The following TMEM33 variants were observed in gnomAD, a reference collection of about 807,000 sequenced individuals.
TMEM33 encodes the protein transmembrane protein 33.
In TMEM33, 16 loss-of-function variants were observed where a neutral mutation model predicts 29.7. The observed-to-expected ratio is 0.54, with a 90% CI of 0.36 to 0.82. The LOEUF is 0.82. TMEM33 is among the 40% of genes least tolerant of loss of function. TMEM33 has a pLI of 0.00. For synonymous variants in TMEM33, 112 were observed against 109.4 expected, an observed-to-expected ratio of 1.02 and a Z score of -0.15; for missense variants, 252 against 295.3, an observed-to-expected ratio of 0.85 and a Z score of 1.08.
rs1214915828 is a variant in TMEM33 at position 41,958,374 on chromosome 4, G to A, written c.*4175G>A. On this transcript the variant is annotated 3_prime_UTR_variant, in exon 7 of 7. Coordinates refer to ENST00000504986, the MANE Select transcript of TMEM33 (RefSeq NM_018126.3). ...TCAATATGTGCTTTCTAGGAAAACA[G>A]TAAAATAGGCCACAATTTGGAGTGA... is the stretch of plus-strand genomic sequence containing the variant. The A allele has an allele frequency of 6.6e-6, 1 of 152,138 alleles. No individual in the cohort carries two copies. Among genetic ancestry groups the A allele is most frequent in the Non-Finnish European group, 1.5e-5 (1 of 68,036 alleles). The allele number at this position is 152,138 out of a possible 1,614,324, so 9.4% of individuals were successfully genotyped here. A position where few individuals can be genotyped will look rare whatever the true frequency, so the allele number is the denominator to read the frequency against.
At chr4:41,940,870 T>TAAAAAAAAAAAAAAA (rs1712511580) in intron 3 of TMEM33, among the ~76,000 whole-genome samples, 2 of 150,674 alleles carry the variant, frequency 1.3e-5, no homozygotes, top group East Asian at 3.9e-4. Flanking sequence ...TGAAAAAAAT[T>TAAAAAAAAAAAAAAA]GTTGTGGTAT....
chr4:41,943,681 A>AATAC (rs1712649939), intron 3 of TMEM33, 66 bp from the exon 4 acceptor site: 4 of 1,412,536 alleles, frequency 2.8e-6, no homozygotes. Context: ...ATTTGGACAT[A>AATAC]ATACATAGTC....
At chr4:41,937,820 G>C (rs995837527) in intron 1 of TMEM33, among the ~76,000 whole-genome samples, 3 of 152,094 alleles carry the variant, frequency 2.0e-5, no homozygotes, top group Non-Finnish European at 4.4e-5. Context: ...ATAAGTATTG[G>C]GGGGAAAGCA....
At chr4:41,947,843 A>G (rs1712861539) in intron 5 of TMEM33, among the ~76,000 whole-genome samples, 1 of 152,204 alleles carries the variant, frequency 6.6e-6, no homozygotes, top group South Asian at 2.1e-4. Context: ...AAATTGATGC[A>G]TTGTCTGAGT....
chr4:41,939,464 G>C, intron 3 of TMEM33, 81 bp downstream of exon 3: 1 of 1,462,254 alleles, frequency 6.8e-7, no homozygotes, highest in East Asian at 2.3e-5. Flanking sequence ...AGCAATGAAG[G>C]CATTCCATGA....
At chr4:41,943,991 A>G in intron 4 of TMEM33, 177 bp downstream of exon 4, 1 of 566,236 alleles carries the variant, frequency 1.8e-6, no homozygotes, top group South Asian at 2.4e-5. Flanking sequence ...GAAGTTTCAC[A>G]AACTAGAACA....
At chr4:41,935,397 C>G, upstream of TMEM33, 1 of 1,422,022 alleles carries the variant, frequency 7.0e-7, no homozygotes, top group Non-Finnish European at 9.7e-7. Context: ...GAAGCCGGTA[C>G]CCGGGTCCTG....
At chr4:41,939,602 C>A in intron 3 of TMEM33, 1 of 599,732 alleles carries the variant, frequency 1.7e-6, no homozygotes, top group South Asian at 1.7e-5. Context: ...TTTGTTCTTG[C>A]CTCTTGTAAG....
intron 6 of TMEM33, 174 bp from the exon 7 acceptor site, chr4:41,953,896 C>T: frequency 1.4e-6 from 1 of 712,150 alleles, no homozygotes; most frequent in South Asian, 1.5e-5. Context: ...GACGCAGAGA[C>T]ATGAAGTGAG....
In TMEM33 at chr4:41,944,800, G is replaced by T. The variant is rs1341271770; in HGVS notation, c.404G>T (p.Gly135Val). The T allele has an allele frequency of 2.5e-6, 4 of 1,612,676 alleles. No individual in the cohort carries two copies. Among genetic ancestry groups the T allele is most frequent in the Admixed American group, 3.3e-5 (2 of 59,796 alleles). Residue 135 changes from glycine to valine, a missense_variant, in exon 5 of 7, where the codon GGC (glycine) becomes GTC (valine). Coordinates refer to ENST00000504986, the MANE Select transcript of TMEM33 (RefSeq NM_018126.3). ...GGTTTTCTTTTGTTTTAGGCAAGGGGCTCAAATAGTTTACCTCTGCTGAGA... is the reference window on the plus strand; with the variant it reads ...GGTTTTCTTTTGTTTTAGGCAAGGGTCTCAAATAGTTTACCTCTGCTGAGA... Reference protein sequence around the residue: ...TYTKKVLDARGSNSLPLLRSV... With the variant: ...TYTKKVLDARVSNSLPLLRSV...
chr4:41,936,538 C>A (rs1478748727), intron 1 of TMEM33, among the ~76,000 whole-genome samples: 3 of 149,974 alleles, frequency 2.0e-5, no homozygotes, highest in East Asian at 3.9e-4. Context: ...GCAAAACCTT[C>A]TCTCAAAACA....
chr4:41,935,159 T>G (rs992816854), upstream of TMEM33: 2 of 459,078 alleles, frequency 4.4e-6, no homozygotes, highest in South Asian at 2.3e-5. Flanking sequence ...GGCAATAACC[T>G]GGAGCCGGCG....
At chr4:41,943,199 CT>C (rs1712619419) in intron 3 of TMEM33, among the ~76,000 whole-genome samples, 1 of 152,088 alleles carries the variant, frequency 6.6e-6, no homozygotes, top group Non-Finnish European at 1.5e-5. Flanking sequence ...AAGGAAAAAC[CT>C]TTTTTTCACT....
At chr4:41,944,035 C>A in intron 4 of TMEM33, 2 of 484,096 alleles carry the variant, frequency 4.1e-6, no homozygotes, top group Non-Finnish European at 7.3e-6. Flanking sequence ...TAAAATCACC[C>A]CCCAGTCTCC....
intron 6 of TMEM33, 51 bp from the exon 7 acceptor site, chr4:41,954,019 G>T (rs1713154061): frequency 6.2e-7 from 1 of 1,603,150 alleles, no homozygotes; most frequent in Admixed American, 1.7e-5. Flanking sequence ...AGGTAAGCCT[G>T]TGTATTGCTT....
At chr4:41,936,313 G>C (rs2153126174) in intron 1 of TMEM33, among the ~76,000 whole-genome samples, 1 of 152,324 alleles carries the variant, frequency 6.6e-6, no homozygotes, top group Admixed American at 6.5e-5. Flanking sequence ...GTCCAAGGCG[G>C]GAGGATCGCT....
In TMEM33 at chr4:41,939,208, A is replaced by C. The variant is rs769159708; in HGVS notation, c.153A>C (p.Ala51=). Reference sequence around the variant, plus strand: ...TGGTAATTTGCAGGTTGCATGAAGCAGCAAGCTTTTACCAACGTGCTTTGC... The same window carrying C: ...TGGTAATTTGCAGGTTGCATGAAGCCGCAAGCTTTTACCAACGTGCTTTGC... ...FVLPLLGLHE[A]ASFYQRALLA... Residue 51 remains alanine (A), a synonymous_variant, in exon 3 of 7, where the codon GCA becomes GCC. Coordinates refer to ENST00000504986, the MANE Select transcript of TMEM33 (RefSeq NM_018126.3). 1.9e-6 allele frequency: 3 copies of C among 1,598,520 alleles called. No homozygotes were observed. The highest frequency in any genetic ancestry group is 2.7e-5 in the African/African-American group (2 of 73,936).
At position 41,939,239 on chromosome 4, in the gene TMEM33, A is replaced by T. The variant is rs973282534; in HGVS notation, c.184A>T (p.Asn62Tyr). ...ASFYQRALLA[N>Y]ALTSALRLHQ... ...CTTTTACCAACGTGCTTTGCTGGCA[A>T]ATGCTCTTACCAGTGCTCTGAGGCT... The change falls in exon 3 of 7, where the codon AAT becomes TAT. Residue 62 changes from asparagine (N) to tyrosine (Y), a missense_variant. By Grantham distance (143) the Asn-to-Tyr change is moderately radical. Coordinates refer to ENST00000504986, the MANE Select transcript of TMEM33 (RefSeq NM_018126.3). The T allele has an allele frequency of 1.9e-6, 3 of 1,607,172 alleles. No homozygotes were observed. The highest frequency in any genetic ancestry group is 2.5e-6 in the Non-Finnish European group (3 of 1,178,308).
chr4:41,935,400 G>A (rs1712171603), upstream of TMEM33: 1 of 1,441,884 alleles, frequency 6.9e-7, no homozygotes, highest in Non-Finnish European at 9.5e-7. Flanking sequence ...GCCGGTACCC[G>A]GGTCCTGGCC....
Sources: allele counts gnomAD v4.1 joint callset (sites outside exome capture counted in the v4.1 genomes callset), GRCh38; gene constraint gnomAD v4.1.1; transcripts MANE v1.5; gene names NCBI Gene and HGNC (gene_info 2026-07-23, HGNC 2026-07-21).